The following GUCA1C variants were observed in gnomAD, a reference collection of about 807,000 sequenced individuals.
GUCA1C encodes the protein guanylyl cyclase-activating protein 3.
In GUCA1C, 15 loss-of-function variants were observed where a neutral mutation model predicts 16.2. The observed-to-expected ratio is 0.93, with a 90% CI of 0.62 to 1.43. The LOEUF (loss-of-function observed/expected upper bound fraction) is 1.43. Ranked by LOEUF, GUCA1C falls within the 40% of genes most tolerant of loss-of-function variation. The probability of loss-of-function intolerance (pLI) is 0.00; values close to 1 mark genes in which losing one functional copy is unlikely to be tolerated. For missense variants in GUCA1C, 275 were observed against 244.8 expected (o/e 1.12, Z -0.82); for synonymous variants, 78 against 85.4 (o/e 0.91, Z 0.48).
intron 1 of GUCA1C, among the ~76,000 whole-genome samples, chr3:108,936,628 G>A (rs561911820): frequency 6.6e-6 from 1 of 152,330 alleles, no homozygotes; most frequent in East Asian, 1.9e-4. Flanking sequence ...TTCTAGGAGA[G>A]GCGTCACAGA....
intron 3 of GUCA1C, among the ~76,000 whole-genome samples, chr3:108,912,102 T>TTAA (rs1946461319): frequency 1.5e-4 from 1 of 6,452 alleles, no homozygotes; most frequent in African/African-American, 3.0e-4. Flanking sequence ...AGACTCCGTC[T>TTAA]CAATAATAAT....
intron 1 of GUCA1C, among the ~76,000 whole-genome samples, chr3:108,952,860 G>T (rs1157729364): frequency 1.3e-5 from 2 of 150,356 alleles, no homozygotes; most frequent in Non-Finnish European, 3.0e-5. Context: ...TTGCTTTTTT[G>T]TCTCTCTTTT....
intron 1 of GUCA1C, among the ~76,000 whole-genome samples, chr3:108,922,234 C>T (rs1946577306): frequency 1.3e-5 from 2 of 151,958 alleles, no homozygotes. Context: ...TTTATCCACT[C>T]ATTGAATGAC....
intron 1 of GUCA1C, among the ~76,000 whole-genome samples, chr3:108,921,490 GTTTAGT>G (rs1946568494): frequency 1.3e-5 from 2 of 152,180 alleles, no homozygotes; most frequent in Admixed American, 1.3e-4. Flanking sequence ...GTAGGAGTAT[GTTTAGT>G]TTTTAAGAAA....
chr3:108,947,178 G>A (rs1946851852), intron 1 of GUCA1C, among the ~76,000 whole-genome samples: 1 of 152,158 alleles, frequency 6.6e-6, no homozygotes, highest in Non-Finnish European at 1.5e-5. Flanking sequence ...CTGTTTCTAT[G>A]TTATGTATAC....
chr3:108,951,977 G>A (rs1390346898), intron 1 of GUCA1C, among the ~76,000 whole-genome samples: 3 of 152,180 alleles, frequency 2.0e-5, no homozygotes, highest in East Asian at 1.9e-4. Context: ...TGTACAATGC[G>A]TTCACAAATA....
At position 108,916,197 on chromosome 3, in the gene GUCA1C, A is replaced by C; in HGVS notation, c.372T>G (p.Asn124Lys). The C allele has an allele frequency of 6.2e-7, 1 of 1,613,712 alleles. No homozygotes were observed. Among genetic ancestry groups the C allele is most frequent in the Non-Finnish European group, 8.5e-7 (1 of 1,179,882 alleles). Residue 124 changes from asparagine (N) to lysine (K), a missense_variant, in exon 3 of 4, where the codon AAT (asparagine) becomes AAG (lysine). By Grantham distance (94) the Asn-to-Lys change is moderately conservative. Transcript: ENST00000261047. ...LDMFMAVQAL[N>K]GQQTLSPEEF... ...CTTCAGGACTCAGAGTTTGCTGGCC[A>C]TTGAGGGCTTGTACCGCCTGCAAAA...
chr3:108,941,898 T>C (rs903618126), intron 1 of GUCA1C, among the ~76,000 whole-genome samples: 2 of 152,230 alleles, frequency 1.3e-5, no homozygotes, highest in Non-Finnish European at 2.9e-5. Context: ...GCAAAAGTTC[T>C]AGTTGAGACA....
intron 1 of GUCA1C, among the ~76,000 whole-genome samples, chr3:108,938,019 G>C (rs768315619): frequency 2.0e-5 from 3 of 151,488 alleles, no homozygotes; most frequent in Non-Finnish European, 4.4e-5. Context: ...GCAGTGAGCC[G>C]AGATCGCACC....
At chr3:108,920,377 A>T (rs1946557221) in intron 2 of GUCA1C, 59 bp downstream of exon 2, 1 of 1,307,404 alleles carries the variant, frequency 7.6e-7, no homozygotes, top group Non-Finnish European at 1.1e-6. Flanking sequence ...ACTCCATAGG[A>T]AGGGAAATTG....
intron 1 of GUCA1C, among the ~76,000 whole-genome samples, chr3:108,934,267 A>G (rs1426622620): frequency 6.6e-6 from 1 of 152,200 alleles, no homozygotes; most frequent in African/African-American, 2.4e-5. Context: ...ATGGGTGCAG[A>G]CAACCACCAT....
intron 1 of GUCA1C, among the ~76,000 whole-genome samples, chr3:108,931,104 C>T (rs552802632): frequency 6.6e-6 from 1 of 152,310 alleles, no homozygotes; most frequent in African/African-American, 2.4e-5. Flanking sequence ...CAAAGAGTCA[C>T]AGGAGCATCC....
chr3:108,948,524 C>T (rs1048986740), intron 1 of GUCA1C, among the ~76,000 whole-genome samples: 2 of 152,060 alleles, frequency 1.3e-5, no homozygotes, highest in Non-Finnish European at 2.9e-5. Context: ...GATGGAGCAC[C>T]TACTCCAGAG....
At chr3:108,951,662 T>C (rs1385337023) in intron 1 of GUCA1C, among the ~76,000 whole-genome samples, 2 of 152,242 alleles carry the variant, frequency 1.3e-5, no homozygotes, top group African/African-American at 2.4e-5. Flanking sequence ...TGATTTTATA[T>C]TGAGATCCCC....
At chr3:108,928,307 G>T (rs1946640136) in intron 1 of GUCA1C, among the ~76,000 whole-genome samples, 1 of 152,164 alleles carries the variant, frequency 6.6e-6, no homozygotes, top group African/African-American at 2.4e-5. Flanking sequence ...TCTTCTTATT[G>T]TTGAGTTTTA....
chr3:108,916,046 C>T (rs1946506528), intron 3 of GUCA1C, 81 bp downstream of exon 3: 1 of 1,576,634 alleles, frequency 6.3e-7, no homozygotes, highest in Non-Finnish European at 8.6e-7. Context: ...ATGGTTCCTG[C>T]TTTTGTCTAA....
chr3:108,937,363 CCTCT>C (rs1205705579), intron 1 of GUCA1C, among the ~76,000 whole-genome samples: 1 of 152,144 alleles, frequency 6.6e-6, no homozygotes, highest in Non-Finnish European at 1.5e-5. Context: ...ACCGTTGCTC[CCTCT>C]CTGTTTGCTT....
chr3:108,913,480 T>C (rs1946477211), intron 3 of GUCA1C, among the ~76,000 whole-genome samples: 2 of 152,120 alleles, frequency 1.3e-5, no homozygotes, highest in Non-Finnish European at 2.9e-5. Flanking sequence ...GGCCAAATCC[T>C]TTTGTACTTC....
At chr3:108,930,441 C>A (rs968971515) in intron 1 of GUCA1C, among the ~76,000 whole-genome samples, 1 of 152,160 alleles carries the variant, frequency 6.6e-6, no homozygotes, top group African/African-American at 2.4e-5. Context: ...GGCTATTTGG[C>A]TTTTTAAAAG....
Sources: gnomAD v4.1 joint callset for allele counts (sites outside exome capture counted in the v4.1 genomes callset) on GRCh38, gnomAD v4.1.1 for gene constraint, MANE v1.5 for transcripts, NCBI Gene and HGNC (gene_info 2026-07-23, HGNC 2026-07-21) for gene names.